Variants in LRRC7 observed in about 807,000 individuals in gnomAD.
LRRC7 encodes leucine rich repeat containing 7, also known as leucine-rich repeat-containing protein 7.
Under a neutral mutation model 175.7 loss-of-function variants are expected in LRRC7, and 23 were observed. That is an observed-to-expected ratio of 0.13 (90% confidence interval 0.09 to 0.19). LRRC7 has a LOEUF of 0.19. LRRC7 is among the 10% of genes least tolerant of loss of function. The pLI is 1.00. For missense variants in LRRC7, 1,354 were observed against 1,904.7 expected, an observed-to-expected ratio of 0.71 and a Z score of 5.38; for synonymous variants, 685 against 680.9, an observed-to-expected ratio of 1.01 and a Z score of -0.09.
intron 7 of LRRC7, among the ~76,000 whole-genome samples, chr1:69,851,900 G>A (rs1165897259): frequency 6.6e-6 from 1 of 152,156 alleles, no homozygotes; most frequent in Non-Finnish European, 1.5e-5. Context: ...TAGCCAGATG[G>A]AGGAGGAGGG....
chr1:70,028,482 A>G, intron 18 of LRRC7, 111 bp downstream of exon 18: 1 of 915,454 alleles, frequency 1.1e-6, no homozygotes. Flanking sequence ...TTCCTAAAAT[A>G]TAAATGATCT....
chr1:69,865,707 C>T (rs575399183), intron 7 of LRRC7, among the ~76,000 whole-genome samples: 1 of 151,984 alleles, frequency 6.6e-6, no homozygotes, highest in African/African-American at 2.4e-5. Flanking sequence ...GTCTTGATCT[C>T]CTGACCTCGT....
At chr1:69,658,941 C>T (rs1411288655) in intron 1 of LRRC7, among the ~76,000 whole-genome samples, 1 of 151,866 alleles carries the variant, frequency 6.6e-6, no homozygotes, top group African/African-American at 2.4e-5. Flanking sequence ...AGCAAAAAGC[C>T]ATTTTTGCCT....
intron 7 of LRRC7, among the ~76,000 whole-genome samples, chr1:69,924,514 C>T (rs534162514): frequency 6.6e-6 from 1 of 152,188 alleles, no homozygotes; most frequent in African/African-American, 2.4e-5. Flanking sequence ...AGTTCCTTCA[C>T]GTCCCTTGTA....
chr1:69,967,129 C>T (rs1476326150), intron 8 of LRRC7, among the ~76,000 whole-genome samples: 1 of 152,114 alleles, frequency 6.6e-6, no homozygotes. Context: ...GGAGTGAGAC[C>T]AGCCGTTTGA....
rs1431377150 is a variant in LRRC7, at chr1:70,127,557, G to A, written c.*5670G>A. 6.6e-6 allele frequency among the ~76,000 whole-genome samples: 1 copy of A among 152,184 alleles called. No homozygotes were observed. Among genetic ancestry groups the A allele is most frequent in the Non-Finnish European group, 1.5e-5 (1 of 68,022 alleles). ...AGAAAATTTACTGGTTAACTTCAGA[G>A]GCATTTCTTCAGCTGGTAGAGTCTT... On this transcript the variant is annotated 3_prime_UTR_variant, in exon 27 of 27. Transcript: ENST00000651989.
intron 1 of LRRC7, among the ~76,000 whole-genome samples, chr1:69,645,054 C>T (rs149156694): frequency 6.6e-6 from 1 of 152,008 alleles, no homozygotes; most frequent in East Asian, 1.9e-4. Context: ...AGATAGAGAA[C>T]AAAGCAAGAA....
At chr1:69,986,676 T>C (rs1653962115) in intron 10 of LRRC7, among the ~76,000 whole-genome samples, 1 of 152,332 alleles carries the variant, frequency 6.6e-6, no homozygotes, top group East Asian at 1.9e-4. Flanking sequence ...GGAGTATGTA[T>C]GTTTTCTTCA....
At chr1:69,995,600 G>A (rs1371717421) in intron 11 of LRRC7, among the ~76,000 whole-genome samples, 2 of 128,288 alleles carry the variant, frequency 1.6e-5, no homozygotes, top group Admixed American at 1.0e-4. Flanking sequence ...TCCCCTTCCC[G>A]TGTCCATGTG....
chr1:69,908,239 G>A (rs1426833520), intron 7 of LRRC7, among the ~76,000 whole-genome samples: 3 of 152,156 alleles, frequency 2.0e-5, no homozygotes, highest in Admixed American at 6.5e-5. Context: ...TTTTTTGAAG[G>A]GTTTTTTTGT....
In LRRC7 at chr1:70,130,697, T is replaced by C. The variant is rs1329709850; in HGVS notation, c.*8810T>C. ...AGCACACCATATCTATCCTTTTGAT[T>C]TGATTGGGTTTCCTTTCTCTTTGAG... On this transcript the variant is annotated 3_prime_UTR_variant, in exon 27 of 27. Coordinates refer to ENST00000651989, the MANE Select transcript of LRRC7 (RefSeq NM_001370785.2). Among the ~76,000 whole-genome samples the C allele has an allele frequency of 6.6e-6, 1 of 152,208 alleles. No individual in the cohort carries two copies. The highest frequency in any genetic ancestry group is 2.4e-5 in the African/African-American group (1 of 41,446).
In LRRC7 at chr1:70,129,038, G is replaced by A. The variant is rs1470890951; in HGVS notation, c.*7151G>A. 6.6e-6 allele frequency among the ~76,000 whole-genome samples: 1 copy of A among 152,034 alleles called. No homozygotes were observed. The highest frequency in any genetic ancestry group is 1.5e-5 in the Non-Finnish European group (1 of 68,004). Reference sequence around the variant, plus strand: ...AGGCAGGTGGATCACTTGAGGTCAGGAATTGGATACCAGCCTGACCAACAT... The same window carrying A: ...AGGCAGGTGGATCACTTGAGGTCAGAAATTGGATACCAGCCTGACCAACAT... On this transcript the variant is annotated 3_prime_UTR_variant, in exon 27 of 27. Coordinates refer to ENST00000651989, the MANE Select transcript of LRRC7 (RefSeq NM_001370785.2).
At chr1:69,981,879 A>G (rs1653469582) in intron 9 of LRRC7, among the ~76,000 whole-genome samples, 1 of 152,180 alleles carries the variant, frequency 6.6e-6, no homozygotes, top group Admixed American at 6.5e-5. Context: ...CCCTACAACA[A>G]TCCTATGAAG....
At position 70,133,043 on chromosome 1, in the gene LRRC7, G is replaced by C. The variant is rs976930356; in HGVS notation, c.*11156G>C. 6.6e-6 allele frequency among the ~76,000 whole-genome samples: 1 copy of C among 152,048 alleles called. No individual in the cohort carries two copies. The highest frequency in any genetic ancestry group is 2.4e-5 in the African/African-American group (1 of 41,390). Reference sequence around the variant, plus strand: ...AGTTTAAATTACTGCGTTCAACTCTGACAAATACTATCCTCATATTTAGTT... The same window carrying C: ...AGTTTAAATTACTGCGTTCAACTCTCACAAATACTATCCTCATATTTAGTT... On this transcript the variant is annotated 3_prime_UTR_variant, in exon 27 of 27. Transcript: ENST00000651989.
At chr1:70,005,515 CTAAAG>C (rs757546326) in intron 11 of LRRC7, among the ~76,000 whole-genome samples, 50 of 152,170 alleles carry the variant, frequency 3.3e-4, no homozygotes, top group Non-Finnish European at 5.6e-4. Context: ...GAACATGAAA[CTAAAG>C]TAGAGAAAAC....
At chr1:69,638,711 C>G (rs888858831) in intron 1 of LRRC7, among the ~76,000 whole-genome samples, 6 of 151,532 alleles carry the variant, frequency 4.0e-5, no homozygotes, top group African/African-American at 2.4e-5. Context: ...TTTTTTGGAA[C>G]CATAGAGATC....
chr1:70,107,791 T>A lies in LRRC7; in HGVS notation c.4585T>A (p.Ser1529Thr), dbSNP rs772089732. ...VTRVQPDGPA[S>T]NLLQPGDKIL... The stretch of plus-strand genomic sequence containing the variant: ...TAGGGTTCAGCCTGATGGGCCAGCA[T>A]CAAACCTACTGCAGCCTGGTGATAA... Residue 1529 changes from serine (S) to threonine (T), a missense_variant, in exon 26 of 27, where the codon TCA (serine) becomes ACA (threonine). Physicochemically the swap from Ser to Thr is moderately conservative, Grantham distance 58. Coordinates refer to ENST00000651989, the MANE Select transcript of LRRC7 (RefSeq NM_001370785.2). The A allele has an allele frequency of 6.2e-7, 1 of 1,613,316 alleles. No individual in the cohort carries two copies. The highest frequency in any genetic ancestry group is 1.1e-5 in the South Asian group (1 of 91,000).
At chr1:69,606,303 A>G (rs898395992) in intron 1 of LRRC7, among the ~76,000 whole-genome samples, 1 of 152,152 alleles carries the variant, frequency 6.6e-6, no homozygotes, top group Non-Finnish European at 1.5e-5. Flanking sequence ...TCTAATTATG[A>G]TGTCATACAT....
chr1:69,666,512 A>T (rs1337984599), intron 1 of LRRC7, among the ~76,000 whole-genome samples: 3 of 152,024 alleles, frequency 2.0e-5, no homozygotes, highest in Admixed American at 2.0e-4. Flanking sequence ...TGTTCTGTTT[A>T]GATTTTGGAT....
Sources: gnomAD v4.1 joint callset for allele counts (sites outside exome capture counted in the v4.1 genomes callset) on GRCh38, gnomAD v4.1.1 for gene constraint, MANE v1.5 for transcripts, NCBI Gene and HGNC (gene_info 2026-07-23, HGNC 2026-07-21) for gene names.